Variants in NPAS3 observed in about 807,000 individuals in gnomAD.
The protein encoded by NPAS3 is neuronal PAS domain protein 3, also known as neuronal PAS domain-containing protein 3.
Under a neutral mutation model 73.1 loss-of-function variants are expected in NPAS3, and 14 were observed. The ratio of observed to expected loss-of-function variants is 0.19; its 90% CI spans 0.13 to 0.30. The LOEUF (loss-of-function observed/expected upper bound fraction) is 0.30, where lower values mean the gene tolerates loss of function less well. Ranked by LOEUF, NPAS3 falls within the 10% of genes least tolerant of loss-of-function variation. The pLI, the probability that NPAS3 is intolerant of heterozygous loss-of-function variation, is 1.00. For synonymous variants in NPAS3, 620 were observed against 541.5 expected (o/e 1.14, Z -2.01); for missense variants, 1,096 against 1,250.0 (o/e 0.88, Z 1.86).
chr14:33,579,054 A>C (rs187290370), intron 5 of NPAS3, among the ~76,000 whole-genome samples: 1 of 152,344 alleles, frequency 6.6e-6, no homozygotes, highest in East Asian at 1.9e-4. Flanking sequence ...GCCAGAAACA[A>C]TATTAAGCCC....
chr14:33,475,618 GA>G (rs2050991604), intron 4 of NPAS3, among the ~76,000 whole-genome samples: 1 of 151,192 alleles, frequency 6.6e-6, no homozygotes, highest in African/African-American at 2.4e-5. Flanking sequence ...AGAACTGTCT[GA>G]AATCCTTATA....
At chr14:33,117,045 C>T (rs1232724149) in intron 2 of NPAS3, among the ~76,000 whole-genome samples, 4 of 152,010 alleles carry the variant, frequency 2.6e-5, no homozygotes, top group Admixed American at 6.6e-5. Context: ...CTCTCTAATC[C>T]GTTAGTATTA....
chr14:33,308,553 C>CACACACATACAT (rs1195213186), intron 3 of NPAS3, among the ~76,000 whole-genome samples: 2,109 of 113,576 alleles, frequency 0.019, 84 homozygotes, highest in African/African-American at 0.078. Flanking sequence ...CACACACACA[C>CACACACATACAT]ACATACATAC....
chr14:33,663,252 C>T (rs1595386381), intron 5 of NPAS3, among the ~76,000 whole-genome samples: 1 of 152,074 alleles, frequency 6.6e-6, no homozygotes, highest in South Asian at 2.1e-4. Flanking sequence ...TCCATCAATA[C>T]CTAGTTCACT....
At chr14:33,505,943 T>C (rs1241013981) in intron 4 of NPAS3, among the ~76,000 whole-genome samples, 3 of 151,998 alleles carry the variant, frequency 2.0e-5, no homozygotes, top group Non-Finnish European at 2.9e-5. Flanking sequence ...GACTTTTACA[T>C]CGCCTTTCTT....
intron 2 of NPAS3, among the ~76,000 whole-genome samples, chr14:33,180,322 C>T (rs2045745050): frequency 6.6e-6 from 1 of 152,114 alleles, no homozygotes; most frequent in Admixed American, 6.5e-5. Flanking sequence ...TCTCCCATAG[C>T]ATCCTATACT....
At chr14:33,606,877 CAA>C (rs971553276) in intron 5 of NPAS3, among the ~76,000 whole-genome samples, 3 of 151,988 alleles carry the variant, frequency 2.0e-5, no homozygotes, top group African/African-American at 7.3e-5. Context: ...AAAGAACTCT[CAA>C]AACTCAGTAA....
At chr14:33,556,110 C>G (rs375365627) in intron 4 of NPAS3, among the ~76,000 whole-genome samples, 2 of 152,130 alleles carry the variant, frequency 1.3e-5, no homozygotes, top group Non-Finnish European at 2.9e-5. Context: ...GTTCTTAGAT[C>G]GCTACTGCTT....
intron 2 of NPAS3, among the ~76,000 whole-genome samples, chr14:33,146,051 AT>A (rs528370649): frequency 2.0e-5 from 3 of 152,206 alleles, no homozygotes; most frequent in Non-Finnish European, 4.4e-5. Context: ...AGAAGCTGCT[AT>A]GTCCTTGTTA....
At chr14:33,571,100 T>C (rs1340581741) in intron 5 of NPAS3, among the ~76,000 whole-genome samples, 1 of 152,222 alleles carries the variant, frequency 6.6e-6, no homozygotes, top group Non-Finnish European at 1.5e-5. Context: ...TGGTGGTGTT[T>C]CCTATTGTCA....
chr14:33,225,688 A>T lies in NPAS3; in HGVS notation c.385+10262A>T, dbSNP rs563301953. ...TCTTAAGAGTTTTTTTCAACTATTT[A>T]AAAAATTAAAACAACAAGGACAATG... On this transcript the variant is annotated intron_variant, in intron 3 of 11. Transcript: ENST00000356141. 6.6e-5 allele frequency among the ~76,000 whole-genome samples: 10 copies of T among 152,290 alleles called. No individual in the cohort carries two copies. The South Asian group carries it at 8.3e-4, about 13-fold the overall frequency.
intron 2 of NPAS3, among the ~76,000 whole-genome samples, chr14:33,189,149 C>T (rs1038483789): frequency 4.6e-5 from 7 of 152,148 alleles, no homozygotes; most frequent in African/African-American, 1.7e-4. Context: ...AATGTTAGGT[C>T]ATAGGCCTAA....
chr14:33,307,181 C>T (rs1042464201), intron 3 of NPAS3, among the ~76,000 whole-genome samples: 9 of 152,246 alleles, frequency 5.9e-5, no homozygotes, highest in Non-Finnish European at 1.0e-4. Flanking sequence ...ATTATAATGT[C>T]ACTTTACAAT....
At chr14:33,147,725 T>TAA (rs72264623) in intron 2 of NPAS3, among the ~76,000 whole-genome samples, 35,962 of 90,924 alleles carry the variant, frequency 0.4, 5,542 homozygotes, top group East Asian at 0.56. Context: ...TAAAGTAGAA[T>TAA]AAAAAATATA....
At chr14:33,738,441 C>T (rs73258999) in intron 7 of NPAS3, among the ~76,000 whole-genome samples, 7,969 of 152,154 alleles carry the variant, frequency 0.052, 718 homozygotes, top group African/African-American at 0.18. Context: ...TGGGGCTCAC[C>T]GTATCCCACT....
chr14:32,941,231 TTC>T (rs2035983329), intron 1 of NPAS3, among the ~76,000 whole-genome samples: 1 of 19,734 alleles, frequency 5.1e-5, no homozygotes, highest in Non-Finnish European at 8.6e-5. Flanking sequence ...CCTCCCTCCC[TTC>T]CCCTCCTCCC....
At chr14:33,362,334 A>G (rs1416397633) in intron 3 of NPAS3, among the ~76,000 whole-genome samples, 6 of 152,190 alleles carry the variant, frequency 3.9e-5, no homozygotes, top group Non-Finnish European at 7.3e-5. Context: ...GCAAACTGAG[A>G]AATTTTAATT....
intron 2 of NPAS3, among the ~76,000 whole-genome samples, chr14:33,146,641 G>C (rs1036362334): frequency 1.3e-5 from 2 of 152,192 alleles, no homozygotes; most frequent in Non-Finnish European, 2.9e-5. Flanking sequence ...ATAAAAGACT[G>C]TTCTGGAGAG....
intron 4 of NPAS3, among the ~76,000 whole-genome samples, chr14:33,427,512 G>A (rs1048848275): frequency 1.1e-4 from 17 of 151,160 alleles, no homozygotes; most frequent in Admixed American, 4.0e-4. Context: ...ATCTAGTGCC[G>A]GAGCATCACC....
Sources: allele counts gnomAD v4.1 joint callset (sites outside exome capture counted in the v4.1 genomes callset), GRCh38; gene constraint gnomAD v4.1.1; transcripts MANE v1.5; gene names NCBI Gene and HGNC (gene_info 2026-07-23, HGNC 2026-07-21).